The following PIEZO2 variants were observed in gnomAD, a reference collection of about 807,000 sequenced individuals.
The protein encoded by PIEZO2 is piezo-type mechanosensitive ion channel component 2.
Under a neutral mutation model 337.3 loss-of-function variants are expected in PIEZO2, and 172 were observed. The ratio of observed to expected loss-of-function variants is 0.51; its 90% CI spans 0.45 to 0.58. The LOEUF is 0.58. Among genes scored for constraint, PIEZO2 ranks in the 20% least tolerant of loss-of-function variants. The pLI is 0.00. For missense variants in PIEZO2, 3,028 were observed against 3,391.3 expected, an observed-to-expected ratio of 0.89 and a Z score of 2.66; for synonymous variants, 1,251 against 1,228.5, an observed-to-expected ratio of 1.02 and a Z score of -0.38.
At position 11,134,000 on chromosome 18, in the gene PIEZO2, G is replaced by C. The variant is rs570576997; in HGVS notation, c.64+14525C>G. Among the ~76,000 whole-genome samples, 6 of 152,214 alleles carry C rather than the reference G, an allele frequency of 3.9e-5. 1 individual carries two copies. Among genetic ancestry groups the C allele is most frequent in the African/African-American group, 1.4e-4 (6 of 41,540 alleles). On this transcript the variant is annotated intron_variant, in intron 1 of 55. Transcript: ENST00000674853. Reference sequence around the variant, plus strand: ...GGGTGCAAGAGCCAGGGGCTTTATAGGGCAAGTTAAGGATTTAGGGTTTGC... The same window carrying C: ...GGGTGCAAGAGCCAGGGGCTTTATACGGCAAGTTAAGGATTTAGGGTTTGC...
At chr18:11,085,926 C>T (rs917658952) in intron 1 of PIEZO2, among the ~76,000 whole-genome samples, 1 of 151,624 alleles carries the variant, frequency 6.6e-6, no homozygotes, top group Non-Finnish European at 1.5e-5. Flanking sequence ...CCTAATGGTA[C>T]ATGTGGTCAT....
intron 2 of PIEZO2, among the ~76,000 whole-genome samples, chr18:11,029,655 C>T (rs1721515702): frequency 6.6e-6 from 1 of 152,018 alleles, no homozygotes; most frequent in African/African-American, 2.4e-5. Context: ...TGGGGTAGTT[C>T]TTTCTTCCTT....
intron 3 of PIEZO2, among the ~76,000 whole-genome samples, chr18:10,960,584 G>A (rs1275604343): frequency 2.6e-5 from 4 of 150,998 alleles, no homozygotes; most frequent in African/African-American, 9.8e-5. Flanking sequence ...GAATGGGTGG[G>A]CACCTATTTT....
intron 1 of PIEZO2, among the ~76,000 whole-genome samples, chr18:11,081,991 C>T (rs937690182): frequency 6.6e-6 from 1 of 152,090 alleles, no homozygotes; most frequent in Admixed American, 6.5e-5. Context: ...AGCTCCTGAC[C>T]TCAGGTGATC....
Position 10,903,437 on chromosome 18 carries a change from G to A in PIEZO2, c.329+7749C>T, listed in dbSNP as rs770652229. ...AATCCCAGCACTTTGAGAGGCCAAG[G>A]CGGGCGGATCATGAGGTCAAGAGAT... On this transcript the variant is annotated intron_variant, in intron 4 of 55. Coordinates refer to ENST00000674853, the MANE Select transcript of PIEZO2 (RefSeq NM_001378183.1). The surrounding 1 kb of genome is among the most constrained non-coding windows in gnomAD (Gnocchi z 4.1). 2.6e-5 allele frequency among the ~76,000 whole-genome samples: 4 copies of A among 152,154 alleles called. No homozygotes were observed. Among genetic ancestry groups the A allele is most frequent in the Non-Finnish European group, 4.4e-5 (3 of 68,026 alleles).
intron 3 of PIEZO2, among the ~76,000 whole-genome samples, chr18:10,935,669 A>C (rs1043729286): frequency 1.3e-5 from 2 of 152,232 alleles, no homozygotes; most frequent in African/African-American, 4.8e-5. Context: ...CTAGCAAGGC[A>C]AACTTTGTTC....
At chr18:10,680,870 T>C (rs896330757) in intron 51 of PIEZO2, among the ~76,000 whole-genome samples, 2 of 152,124 alleles carry the variant, frequency 1.3e-5, no homozygotes, top group African/African-American at 4.8e-5. Flanking sequence ...AAAAAAAAAT[T>C]ATTTATAAGA....
Position 10,757,900 on chromosome 18 carries a change from T to C in PIEZO2, c.3923+69A>G, listed in dbSNP as rs1432453437. The C allele has an allele frequency of 4.3e-6, 6 of 1,379,954 alleles. No homozygotes were observed. The Admixed American group carries it at 6.8e-5, about 16-fold the overall frequency. The allele number at this position is 1,379,954 out of a possible 1,614,324, so 85.5% of individuals were successfully genotyped here. On this transcript the variant is annotated intron_variant, in intron 27 of 55. Transcript: ENST00000674853. ...TGTTTCCCAAGTATAGCAGAGAAAG[T>C]ATAGAGGAGCAATGTAATGGAAATG...
In PIEZO2 at chr18:10,784,379, A is replaced by G. The variant is rs976607652; in HGVS notation, c.2492+405T>C. On this transcript the variant is annotated intron_variant, in intron 17 of 55. Coordinates refer to ENST00000674853, the MANE Select transcript of PIEZO2 (RefSeq NM_001378183.1). The surrounding 1 kb of genome is among the most constrained non-coding windows in gnomAD (Gnocchi z 4.5). ...AAAGTGGAAGGGAAAACTGCCCATC[A>G]TCTTTTGCTATGCTCTCACAAGACT... Among the ~76,000 whole-genome samples the G allele has an allele frequency of 3.9e-5, 6 of 152,326 alleles. No individual in the cohort carries two copies. The highest frequency in any genetic ancestry group is 3.3e-4 in the Admixed American group (5 of 15,302).
Position 11,131,614 on chromosome 18 carries a change from A to C in PIEZO2, c.64+16911T>G, listed in dbSNP as rs989073708. Among the ~76,000 whole-genome samples, 1 of 152,350 alleles carries C rather than the reference A, an allele frequency of 6.6e-6. No individual in the cohort carries two copies. The highest frequency in any genetic ancestry group is 3.4e-3 in the Middle Eastern group (1 of 294). On this transcript the variant is annotated intron_variant, in intron 1 of 55. Coordinates refer to ENST00000674853, the MANE Select transcript of PIEZO2 (RefSeq NM_001378183.1). The surrounding 1 kb of genome is among the most constrained non-coding windows in gnomAD (Gnocchi z 5.3). ...CCTGGCTGTGCACGTTGCATGGAAGAAGAAATGGCCAGATATGTGATTATA... is the reference window on the plus strand; with the variant it reads ...CCTGGCTGTGCACGTTGCATGGAAGCAGAAATGGCCAGATATGTGATTATA...
chr18:10,831,454 C>G (rs1325412798), intron 7 of PIEZO2, among the ~76,000 whole-genome samples: 1 of 152,124 alleles, frequency 6.6e-6, no homozygotes, highest in East Asian at 1.9e-4. Flanking sequence ...TTCTCACTCA[C>G]ATGTGGAGGC....
Position 10,762,729 on chromosome 18 carries a change from G to A in PIEZO2, c.3124-104C>T, listed in dbSNP as rs775874310. The A allele has an allele frequency of 5.2e-5, 73 of 1,403,474 alleles. No homozygotes were observed. The Middle Eastern group carries it at 8.9e-4, about 17-fold the overall frequency. The allele number at this position is 1,403,474 out of a possible 1,614,324, so 86.9% of individuals were successfully genotyped here. ...GAGCAAAATGATAGTGGTAGGATGGGAGGGACAGGCCCATTTCAGGGGAGA... is the reference window on the plus strand; with the variant it reads ...GAGCAAAATGATAGTGGTAGGATGGAAGGGACAGGCCCATTTCAGGGGAGA... On this transcript the variant is annotated intron_variant, in intron 22 of 55. Transcript: ENST00000674853.
At chr18:10,818,343 T>C (rs1299608679) in intron 7 of PIEZO2, among the ~76,000 whole-genome samples, 1 of 152,220 alleles carries the variant, frequency 6.6e-6, no homozygotes, top group Non-Finnish European at 1.5e-5. Flanking sequence ...GAAGTTAATA[T>C]GTAGCCCATT....
intron 3 of PIEZO2, among the ~76,000 whole-genome samples, chr18:10,911,717 G>T (rs2030493516): frequency 6.6e-6 from 1 of 152,012 alleles, no homozygotes; most frequent in Non-Finnish European, 1.5e-5. Context: ...TCATGCCATT[G>T]CACTCTAGCC....
At chr18:10,740,164 G>A (rs1285628083) in intron 33 of PIEZO2, 2 of 152,158 alleles carry the variant, frequency 1.3e-5, no homozygotes, top group Non-Finnish European at 2.9e-5. Context: ...AAAGAGGACT[G>A]GATTGGAATG....
chr18:10,804,981 T>C lies in PIEZO2; in HGVS notation c.1081-987A>G, dbSNP rs931895468. ...GACCTCGTGATTTATAACATTGCTG[T>C]TGCTGTGTGGCCTATAGCCTAGAAG... On this transcript the variant is annotated intron_variant, in intron 8 of 55. Coordinates refer to ENST00000674853, the MANE Select transcript of PIEZO2 (RefSeq NM_001378183.1). 4.6e-5 allele frequency among the ~76,000 whole-genome samples: 7 copies of C among 152,308 alleles called. No individual in the cohort carries two copies. The East Asian group carries it at 1.2e-3, about 25-fold the overall frequency.
At chr18:11,117,645 A>G (rs144487452) in intron 1 of PIEZO2, among the ~76,000 whole-genome samples, 7 of 152,334 alleles carry the variant, frequency 4.6e-5, no homozygotes, top group African/African-American at 1.4e-4. Context: ...AAACATTTCT[A>G]TTGGAGAAAG....
In PIEZO2 at chr18:11,148,397, C is replaced by T; in HGVS notation, c.64+128G>A. 2 of 1,049,548 alleles carry T rather than the reference C, an allele frequency of 1.9e-6. No individual in the cohort carries two copies. The highest frequency in any genetic ancestry group is 2.8e-6 in the Non-Finnish European group (2 of 719,676). 65.0% of individuals were successfully genotyped at this position (1,049,548 alleles called of 1,614,324 possible). A position where few individuals can be genotyped will look rare whatever the true frequency, so the allele number is the denominator to read the frequency against. ...CAGGCTGTGCACCAGGGACAGCGCG[C>T]GTCTGACGCCGCTGGCCTCCCGAAT... On this transcript the variant is annotated intron_variant, in intron 1 of 55. Transcript: ENST00000674853. This position sits in a 1 kb window ranked among gnomAD's most constrained non-coding sequence, Gnocchi z 5.2.
intron 35 of PIEZO2, among the ~76,000 whole-genome samples, chr18:10,733,036 A>G (rs1246937636): frequency 6.6e-6 from 1 of 152,110 alleles, no homozygotes; most frequent in African/African-American, 2.4e-5. Flanking sequence ...AAGTTGGAGG[A>G]ATTCTTTTTC....
Sources: gnomAD v4.1 joint callset for allele counts (sites outside exome capture counted in the v4.1 genomes callset) on GRCh38, gnomAD v4.1.1 for gene constraint, Gnocchi (gnomAD v3.1) non-coding constraint, MANE v1.5 for transcripts, NCBI Gene and HGNC (gene_info 2026-07-23, HGNC 2026-07-21) for gene names.